TRMU: variants seen among roughly 807,000 people sequenced by gnomAD.
TRMU encodes mitochondrial tRNA-specific 2-thiouridylase 1.
In TRMU, 49 loss-of-function variants were observed where a neutral mutation model predicts 46.9. The ratio of observed to expected loss-of-function variants is 1.05; its 90% CI spans 0.83 to 1.33. The LOEUF is 1.33. Ranked by LOEUF, TRMU falls within the 40% of genes most tolerant of loss-of-function variation. TRMU has a pLI of 0.00. For missense variants in TRMU, 572 were observed against 532.4 expected (o/e 1.07, Z -0.73); for synonymous variants, 241 against 200.9 (o/e 1.20, Z -1.69).
intron 10 of TRMU, chr22:46,356,445 T>G: frequency 2.4e-6 from 1 of 423,674 alleles, no homozygotes; most frequent in Non-Finnish European, 4.4e-6. Context: ...CTGGTGGGTG[T>G]AGGCCTGAGG....
At position 46,343,114 on chromosome 22, in the gene TRMU, C is replaced by T. The variant is rs542468439; in HGVS notation, c.249-148C>T. ...ATGCAGCAGGTTATAAACAAATGTT[C>T]GATGACTGACGTTCTCCTGTTTTGC... is the stretch of plus-strand genomic sequence containing the variant. On this transcript the variant is annotated intron_variant, in intron 2 of 10. Transcript: ENST00000645190. 3.5e-5 allele frequency: 23 copies of T among 658,036 alleles called. 2 individuals carry two copies. The highest frequency in any genetic ancestry group is 1.7e-4 in the South Asian group (9 of 53,882). 40.8% of individuals were successfully genotyped at this position (658,036 alleles called of 1,614,324 possible). A position where few individuals can be genotyped will look rare whatever the true frequency, so the allele number is the denominator to read the frequency against.
In TRMU at chr22:46,335,824, C is replaced by T. The variant is rs1188059840; in HGVS notation, c.60C>T (p.Ala20=). The T allele has an allele frequency of 6.4e-7, 1 of 1,555,084 alleles. No homozygotes were observed. Among genetic ancestry groups the T allele is most frequent in the Non-Finnish European group, 8.7e-7 (1 of 1,155,954 alleles). The change falls in exon 1 of 11, where the codon GCC becomes GCT. Residue 20 remains alanine, a synonymous_variant. Transcript: ENST00000645190. ...ALSGGVDSAV[A]ALLLRRRGYQ... ...CCGGCGGCGTGGACAGCGCCGTGGC[C>T]GCGCTGCTGCTGAGGCGGAGAGGTG...
intron 3 of TRMU, 34 bp downstream of exon 3, chr22:46,343,402 T>TA: frequency 6.8e-7 from 1 of 1,475,236 alleles, no homozygotes; most frequent in South Asian, 1.1e-5. Context: ...TTTTTTTTTT[T>TA]AAAGACAGGG....
intron 8 of TRMU, chr22:46,354,161 G>A: frequency 2.7e-6 from 1 of 372,314 alleles, no homozygotes; most frequent in Non-Finnish European, 5.2e-6. Flanking sequence ...CAGAGCTTGG[G>A]TGGCTCATCC....
intron 2 of TRMU, 59 bp from the exon 3 acceptor site, chr22:46,343,199 CTTTT>C (rs367879331): frequency 1.0e-5 from 10 of 962,916 alleles, no homozygotes; most frequent in Non-Finnish European, 1.4e-5. Context: ...ATTTAGTGAA[CTTTT>C]TTTTTTTTTT....
chr22:46,350,217 C>T lies in TRMU; in HGVS notation c.479-74C>T. ...GCTAGGGGTAGTCTGTCTAAGTGAACAGAAGGACATTGTTGAAAGTGAAGT... is the reference window on the plus strand; with the variant it reads ...GCTAGGGGTAGTCTGTCTAAGTGAATAGAAGGACATTGTTGAAAGTGAAGT... On this transcript the variant is annotated intron_variant, in intron 4 of 10. Coordinates refer to ENST00000645190, the MANE Select transcript of TRMU (RefSeq NM_018006.5). This position sits in a 1 kb window ranked among gnomAD's most constrained non-coding sequence, Gnocchi z 4.6. 1.3e-6 allele frequency: 2 copies of T among 1,586,794 alleles called. No homozygotes were observed. Among genetic ancestry groups the T allele is most frequent in the African/African-American group, 2.7e-5 (2 of 74,342 alleles).
chr22:46,357,054 G>A lies in TRMU; in HGVS notation c.*48G>A, dbSNP rs1367199434. ...AACCTGGAGAGCAGGACCCATGGCT[G>A]GGCGGCTGGTGAGCAGTCCAGGTGC... On this transcript the variant is annotated 3_prime_UTR_variant, in exon 11 of 11. Coordinates refer to ENST00000645190, the MANE Select transcript of TRMU (RefSeq NM_018006.5). The A allele has an allele frequency of 1.2e-6, 2 of 1,610,852 alleles. No homozygotes were observed. Among genetic ancestry groups the A allele is most frequent in the Non-Finnish European group, 1.7e-6 (2 of 1,178,926 alleles).
intron 2 of TRMU, 45 bp from the exon 3 acceptor site, chr22:46,343,214 TGAG>T: frequency 1.5e-6 from 2 of 1,308,238 alleles, no homozygotes; most frequent in African/African-American, 1.5e-5. Context: ...TTTTTTTTTT[TGAG>T]GAATGTTTCA....
rs148322924 is a variant in TRMU at position 46,339,564 on chromosome 22, G to A, written c.248+1620G>A. Among the ~76,000 whole-genome samples the A allele has an allele frequency of 3.1e-4, 47 of 152,236 alleles. No individual in the cohort carries two copies. The highest frequency in any genetic ancestry group is 5.8e-4 in the African/African-American group (24 of 41,530). On this transcript the variant is annotated intron_variant, in intron 2 of 10. Coordinates refer to ENST00000645190, the MANE Select transcript of TRMU (RefSeq NM_018006.5). This position sits in a 1 kb window ranked among gnomAD's most constrained non-coding sequence, Gnocchi z 4.8. ...GGTGAGGGATAAAAGACTACACATC[G>A]GGTACAATGTCCACTGCTTGGGTGA...
rs367708560 is a variant in TRMU at position 46,351,891 on chromosome 22, G to T, written c.652-230G>T. 3.1e-6 allele frequency: 2 copies of T among 640,168 alleles called. No individual in the cohort carries two copies. The highest frequency in any genetic ancestry group is 3.6e-5 in the African/African-American group (2 of 55,264). 39.7% of individuals were successfully genotyped at this position (640,168 alleles called of 1,614,324 possible). A position where few individuals can be genotyped will look rare whatever the true frequency, so the allele number is the denominator to read the frequency against. The stretch of plus-strand genomic sequence containing the variant: ...GGCAGCTGGTGTGAGGGTCTCCCGC[G>T]CAGGGTCAGACCCCGCGGGCCGAGA... On this transcript the variant is annotated intron_variant, in intron 5 of 10. Transcript: ENST00000645190. This position sits in a 1 kb window ranked among gnomAD's most constrained non-coding sequence, Gnocchi z 6.4.
rs141974656 is a variant in TRMU, at chr22:46,345,695, G to C, written c.356-727G>C. 7.7e-3 allele frequency among the ~76,000 whole-genome samples: 1,169 copies of C among 152,042 alleles called. 17 individuals carry two copies. Among genetic ancestry groups the C allele is most frequent in the African/African-American group, 0.027 (1,126 of 41,438 alleles). On this transcript the variant is annotated intron_variant, in intron 3 of 10. Transcript: ENST00000645190. ...CCGTGTTAGTAAACATTCTCTGTAA[G>C]GACCCCCATTGTTACGGCAGTGCAT...
chr22:46,337,474 TGA>T (rs935352901), intron 1 of TRMU, among the ~76,000 whole-genome samples: 149 of 152,354 alleles, frequency 9.8e-4, no homozygotes, highest in African/African-American at 3.4e-3. Context: ...AAAATTTTGT[TGA>T]GTTTCGACTA....
rs761904190 is a variant in TRMU, at chr22:46,335,799, C to T, written c.35C>T (p.Ser12Phe). Residue 12 changes from serine (S) to phenylalanine (F), a missense_variant, in exon 1 of 11, where the codon TCC becomes TTC. Transcript: ENST00000645190. ...QALRHVVCAL[S>F]GGVDSAVAAL... ...TTGCGGCACGTCGTGTGCGCCCTGT[C>T]CGGCGGCGTGGACAGCGCCGTGGCC... 6.4e-7 allele frequency: 1 copy of T among 1,562,788 alleles called. No individual in the cohort carries two copies. The highest frequency in any genetic ancestry group is 8.6e-7 in the Non-Finnish European group (1 of 1,159,268).
At chr22:46,353,663 G>A (rs755859135) in intron 7 of TRMU, 104 bp from the exon 8 acceptor site, 72 of 1,029,088 alleles carry the variant, frequency 7.0e-5, no homozygotes, top group Non-Finnish European at 1.1e-4. Context: ...CACCATTGCT[G>A]GGCCTGCTCT....
At position 46,351,183 on chromosome 22, in the gene TRMU, A is replaced by G. The variant is rs2147086755; in HGVS notation, c.651+720A>G. Among the ~76,000 whole-genome samples the G allele has an allele frequency of 6.6e-6, 1 of 152,270 alleles. No individual in the cohort carries two copies. The highest frequency in any genetic ancestry group is 1.9e-4 in the East Asian group (1 of 5,162). ...GGGCTGGGAAAGTCCAGATGAGGGAACGGCAGTGCAAAGGCCTTGAGGCGA... is the reference window on the plus strand; with the variant it reads ...GGGCTGGGAAAGTCCAGATGAGGGAGCGGCAGTGCAAAGGCCTTGAGGCGA... On this transcript the variant is annotated intron_variant, in intron 5 of 10. Coordinates refer to ENST00000645190, the MANE Select transcript of TRMU (RefSeq NM_018006.5). The surrounding 1 kb of genome is among the most constrained non-coding windows in gnomAD (Gnocchi z 6.4).
chr22:46,354,961 C>T (rs2078552005), intron 8 of TRMU: 1 of 208,024 alleles, frequency 4.8e-6, no homozygotes, highest in African/African-American at 2.3e-5. Context: ...CCTGGGGCAC[C>T]TGTGGGAAGC....
At chr22:46,344,479 CGT>C in intron 3 of TRMU, among the ~76,000 whole-genome samples, 1 of 152,278 alleles carries the variant, frequency 6.6e-6, no homozygotes, top group Middle Eastern at 3.4e-3. Flanking sequence ...AGTGGTCAAG[CGT>C]GTGAGTTAGG....
chr22:46,346,163 T>G (rs575583999), intron 3 of TRMU, among the ~76,000 whole-genome samples: 2 of 152,242 alleles, frequency 1.3e-5, no homozygotes, highest in South Asian at 4.1e-4. Context: ...GAAATTAACT[T>G]TGGAAAGGCT....
Position 46,337,960 on chromosome 22 carries a change from A to G in TRMU, c.248+16A>G. 1 of 1,613,826 alleles carries G rather than the reference A, an allele frequency of 6.2e-7. No homozygotes were observed. Among genetic ancestry groups the G allele is most frequent in the Non-Finnish European group, 8.5e-7 (1 of 1,179,922 alleles). ...ATGTGTTCAGGTGAGTGCGGGTCAC[A>G]GCACAAAGGAAGCTTCCTCACACTG... On this transcript the variant is annotated intron_variant, in intron 2 of 10. Transcript: ENST00000645190.
Sources: gnomAD v4.1 joint callset for allele counts (sites outside exome capture counted in the v4.1 genomes callset) on GRCh38, gnomAD v4.1.1 for gene constraint, Gnocchi (gnomAD v3.1) non-coding constraint, MANE v1.5 for transcripts, NCBI Gene and HGNC (gene_info 2026-07-23, HGNC 2026-07-21) for gene names.